Variants in GABRA4 observed in about 807,000 individuals in gnomAD.
GABRA4 encodes gamma-aminobutyric acid receptor subunit alpha-4.
A neutral mutation model predicts 49.7 loss-of-function variants in GABRA4; 12 were observed. That is an observed-to-expected ratio of 0.24 (90% CI 0.15 to 0.39). The LOEUF (loss-of-function observed/expected upper bound fraction) is 0.39, where lower values mean the gene tolerates loss of function less well. Ranked by LOEUF, GABRA4 falls within the 10% of genes least tolerant of loss-of-function variation. The probability of loss-of-function intolerance (pLI) is 1.00; values close to 1 mark genes in which losing one functional copy is unlikely to be tolerated. For missense variants in GABRA4, 506 were observed against 686.0 expected (o/e 0.74, Z 2.93); for synonymous variants, 288 against 240.2 (o/e 1.20, Z -1.84).
intron 1 of GABRA4, 152 bp downstream of exon 1, chr4:46,993,187 G>C: frequency 1.1e-5 from 8 of 751,436 alleles, no homozygotes; most frequent in Non-Finnish European, 1.4e-5. Context: ...GCATCTATGC[G>C]GTCACAGAAA....
At chr4:46,978,243 A>C (rs1346638480) in intron 3 of GABRA4, among the ~76,000 whole-genome samples, 1 of 152,048 alleles carries the variant, frequency 6.6e-6, no homozygotes, top group African/African-American at 2.4e-5. Context: ...CTTAAACATG[A>C]GTGAGAAGGA....
In GABRA4 at chr4:46,989,140, C is replaced by T. The variant is rs187501300; in HGVS notation, c.205+3688G>A. 2.0e-5 allele frequency among the ~76,000 whole-genome samples: 3 copies of T among 152,310 alleles called. No homozygotes were observed. The East Asian group carries it at 5.8e-4, about 29-fold the overall frequency. ...ATTTGGAACGTTTATTATTCTAGAT[C>T]ATATGCCTCAAAAGATTGAGATGCG... On this transcript the variant is annotated intron_variant, in intron 2 of 8. Transcript: ENST00000264318.
intron 8 of GABRA4, among the ~76,000 whole-genome samples, chr4:46,961,455 C>T (rs1320354613): frequency 6.6e-6 from 1 of 151,804 alleles, no homozygotes; most frequent in Non-Finnish European, 1.5e-5. Flanking sequence ...TATTGTCTGC[C>T]TCCTCTCCCT....
intron 8 of GABRA4, among the ~76,000 whole-genome samples, chr4:46,944,811 T>C (rs1022142901): frequency 6.6e-6 from 1 of 152,132 alleles, no homozygotes; most frequent in Non-Finnish European, 1.5e-5. Context: ...TCCTAATGCT[T>C]TTTCCTAGCC....
intron 8 of GABRA4, among the ~76,000 whole-genome samples, chr4:46,954,430 G>C (rs530960458): frequency 6.6e-6 from 1 of 151,812 alleles, no homozygotes; most frequent in East Asian, 1.9e-4. Flanking sequence ...TGTGGCAGGC[G>C]CCTGTAATCC....
chr4:46,936,167 AGT>A (rs1721595548), intron 8 of GABRA4, among the ~76,000 whole-genome samples: 1 of 151,732 alleles, frequency 6.6e-6, no homozygotes, highest in African/African-American at 2.4e-5. Context: ...TACAGCCACA[AGT>A]GTTTCAATGT....
At chr4:46,954,989 G>T (rs1400567806) in intron 8 of GABRA4, among the ~76,000 whole-genome samples, 1 of 152,070 alleles carries the variant, frequency 6.6e-6, no homozygotes, top group African/African-American at 2.4e-5. Flanking sequence ...ATAAAGATTA[G>T]AGATAATTCA....
At chr4:46,933,484 G>C (rs866640050) in intron 8 of GABRA4, among the ~76,000 whole-genome samples, 1 of 152,136 alleles carries the variant, frequency 6.6e-6, no homozygotes, top group South Asian at 2.1e-4. Context: ...AAAGGAAAGT[G>C]GAATTAGACT....
rs1458143529 is a variant in GABRA4 at position 46,928,692 on chromosome 4, C to T, written c.1198G>A (p.Val400Ile). 5 of 1,613,234 alleles carry T rather than the reference C, an allele frequency of 3.1e-6. No individual in the cohort carries two copies. The highest frequency in any genetic ancestry group is 4.2e-6 in the Non-Finnish European group (5 of 1,179,464). The change falls in exon 9 of 9, where the codon GTT becomes ATT. Residue 400 changes from valine to isoleucine, a missense_variant. By Grantham distance (29) the Val-to-Ile change is conservative. This residue lies in a region of GABRA4 where 243 missense variants were observed against 210.8 expected (regional missense o/e 1.15). Transcript: ENST00000264318. ...TNALVHSESDVGNRTEVGNHS... is the reference protein window; with the variant it reads ...TNALVHSESDIGNRTEVGNHS... ...TTTCCCACCTCAGTTCTGTTGCCAACATCAGATTCAGAGTGAACCAAAGCA... is the reference window on the plus strand; with the variant it reads ...TTTCCCACCTCAGTTCTGTTGCCAATATCAGATTCAGAGTGAACCAAAGCA...
rs1027811363 is a variant in GABRA4 at position 46,971,126 on chromosome 4, T to C, written c.831A>G (p.Ser277=). 6.2e-7 allele frequency: 1 copy of C among 1,609,546 alleles called. No homozygotes were observed. Among genetic ancestry groups the C allele is most frequent in the Non-Finnish European group, 8.5e-7 (1 of 1,177,192 alleles). Residue 277 remains serine, a synonymous_variant, in exon 7 of 9, where the codon TCA becomes TCG. Transcript: ENST00000264318. ...CIMTVILSQV[S]FWINKESVPA... ...GAACTGATTCTTTATTTATCCAAAATGAAACTTGAGAAAGAATCACTGTCA... is the reference window on the plus strand; with the variant it reads ...GAACTGATTCTTTATTTATCCAAAACGAAACTTGAGAAAGAATCACTGTCA...
chr4:46,928,383 G>C lies in GABRA4; in HGVS notation c.1507C>G (p.Pro503Ala). 2 of 1,613,638 alleles carry C rather than the reference G, an allele frequency of 1.2e-6. No homozygotes were observed. Among genetic ancestry groups the C allele is most frequent in the Non-Finnish European group, 1.7e-6 (2 of 1,179,652 alleles). The change falls in exon 9 of 9, where the codon CCT becomes GCT. Residue 503 changes from proline (P) to alanine (A), a missense_variant. Pro to Ala is a conservative substitution (Grantham distance 27). Around this residue, in one of 5 missense-constraint regions of GABRA4, gnomAD observed 243 missense variants for 210.8 expected, o/e 1.15. Transcript: ENST00000264318. Reference protein sequence around the residue: ...IGATGKLSATPPPSAPPPSGS... With the variant: ...IGATGKLSATAPPSAPPPSGS... ...GAAGGTGGTGGAGCCGATGGAGGAG[G>C]AGTAGCTGACAACTTCCCAGTAGCC...
chr4:46,950,529 A>C (rs1325271089), intron 8 of GABRA4, among the ~76,000 whole-genome samples: 4 of 151,856 alleles, frequency 2.6e-5, no homozygotes, highest in Non-Finnish European at 4.4e-5. Context: ...ACCTCTTTAA[A>C]AGCCATTTTT....
chr4:46,968,518 C>T (rs532897580), intron 7 of GABRA4, among the ~76,000 whole-genome samples: 1 of 151,690 alleles, frequency 6.6e-6, no homozygotes, highest in Admixed American at 6.6e-5. Context: ...CAGAAATTGT[C>T]TTGGGTCCAC....
At chr4:46,944,882 A>G (rs1453525551) in intron 8 of GABRA4, among the ~76,000 whole-genome samples, 2 of 152,054 alleles carry the variant, frequency 1.3e-5, no homozygotes, top group African/African-American at 4.8e-5. Flanking sequence ...AAGGGCCTCA[A>G]CAGTGTCTAA....
intron 2 of GABRA4, 46 bp from the exon 3 acceptor site, chr4:46,979,144 T>G (rs1288639525): frequency 8.3e-7 from 1 of 1,205,676 alleles, no homozygotes; most frequent in Non-Finnish European, 1.2e-6. Context: ...ATTACCAATT[T>G]TACAGGCTGG....
intron 8 of GABRA4, among the ~76,000 whole-genome samples, chr4:46,945,743 C>T (rs1293315557): frequency 6.6e-6 from 1 of 152,052 alleles, no homozygotes; most frequent in East Asian, 1.9e-4. Context: ...TAAAATCAGG[C>T]ATATAGCTTC....
rs1721109600 is a variant in GABRA4, at chr4:46,923,528, T to C, written c.*4697A>G. 6.6e-6 allele frequency: 1 copy of C among 152,112 alleles called. No individual in the cohort carries two copies. Among genetic ancestry groups the C allele is most frequent in the African/African-American group, 2.4e-5 (1 of 41,434 alleles). 9.4% of individuals were successfully genotyped at this position (152,112 alleles called of 1,614,324 possible). A position where few individuals can be genotyped will look rare whatever the true frequency, so the allele number is the denominator to read the frequency against. ...TGTTTTTAAGTTTCTACAATGTCTA[T>C]CTTTAACAGTCATGTATCACTTTTA... On this transcript the variant is annotated 3_prime_UTR_variant, in exon 9 of 9. Coordinates refer to ENST00000264318, the MANE Select transcript of GABRA4 (RefSeq NM_000809.4).
At chr4:46,957,136 A>G (rs1722393844) in intron 8 of GABRA4, among the ~76,000 whole-genome samples, 2 of 151,970 alleles carry the variant, frequency 1.3e-5, no homozygotes, top group Non-Finnish European at 2.9e-5. Flanking sequence ...CTTAATCCTT[A>G]TTATAAGCCT....
chr4:46,987,589 T>C (rs1327967435), intron 2 of GABRA4, among the ~76,000 whole-genome samples: 1 of 152,010 alleles, frequency 6.6e-6, no homozygotes, highest in Non-Finnish European at 1.5e-5. Context: ...TTTACTTCTC[T>C]CTCTTTTTTT....
Sources: gnomAD v4.1 joint callset for allele counts (sites outside exome capture counted in the v4.1 genomes callset) on GRCh38, gnomAD v4.1.1 for gene constraint, gnomAD v4.1.1 regional missense constraint, MANE v1.5 for transcripts, NCBI Gene and HGNC (gene_info 2026-07-23, HGNC 2026-07-21) for gene names.